Variants in PDE4D observed in about 807,000 individuals in gnomAD.
PDE4D encodes phosphodiesterase 4D, also known as 3',5'-cyclic-AMP phosphodiesterase 4D.
A neutral mutation model predicts 87.4 loss-of-function variants in PDE4D; 24 were observed. The observed-to-expected ratio is 0.27, with a 90% CI of 0.20 to 0.39. The LOEUF (loss-of-function observed/expected upper bound fraction) is 0.39, where lower values mean the gene tolerates loss of function less well. Among genes scored for constraint, PDE4D ranks in the 10% least tolerant of loss-of-function variants. PDE4D has a pLI of 1.00. For missense variants in PDE4D, 714 were observed against 1,041.0 expected (o/e 0.69, Z 4.32); for synonymous variants, 384 against 383.2 (o/e 1.00, Z -0.02).
At chr5:60,229,556 T>C (rs1745559030) in intron 1 of PDE4D, among the ~76,000 whole-genome samples, 1 of 152,120 alleles carries the variant, frequency 6.6e-6, no homozygotes, top group African/African-American at 2.4e-5. Context: ...ATAAGTATCA[T>C]CATCCTTAAT....
At chr5:58,989,981 ATGT>A in intron 9 of PDE4D, 62 bp from the exon 10 acceptor site, 1 of 931,932 alleles carries the variant, frequency 1.1e-6, no homozygotes. Flanking sequence ...TCCATAGAGT[ATGT>A]TTAAAAAAAA....
chr5:59,850,585 T>A (rs1474463424), intron 1 of PDE4D, among the ~76,000 whole-genome samples: 1 of 151,950 alleles, frequency 6.6e-6, no homozygotes, highest in Non-Finnish European at 1.5e-5. Flanking sequence ...TGGGGAAACA[T>A]TAAGAGGTCC....
intron 2 of PDE4D, among the ~76,000 whole-genome samples, chr5:60,120,166 G>T (rs187122433): frequency 1.3e-3 from 195 of 152,226 alleles, no homozygotes; most frequent in African/African-American, 4.5e-3. Context: ...GCTTTTTTTA[G>T]CTGTTCATCA....
At chr5:60,207,442 G>A (rs544878455) in intron 1 of PDE4D, among the ~76,000 whole-genome samples, 12 of 152,292 alleles carry the variant, frequency 7.9e-5, no homozygotes, top group Admixed American at 7.2e-4. Flanking sequence ...AACAGAGGAT[G>A]AATAACATGG....
At chr5:59,639,898 C>G (rs1741274354) in intron 1 of PDE4D, among the ~76,000 whole-genome samples, 1 of 146,922 alleles carries the variant, frequency 6.8e-6, no homozygotes. Flanking sequence ...TGGTTGTTGT[C>G]CAGTCACTGC....
chr5:59,754,750 T>G (rs2150743780), intron 1 of PDE4D, among the ~76,000 whole-genome samples: 1 of 147,714 alleles, frequency 6.8e-6, no homozygotes, highest in African/African-American at 2.5e-5. Context: ...TCTTTGGAAG[T>G]AAAACTTGGA....
intron 6 of PDE4D, among the ~76,000 whole-genome samples, chr5:59,009,908 A>C (rs983814544): frequency 6.6e-6 from 1 of 152,228 alleles, no homozygotes; most frequent in African/African-American, 2.4e-5. Context: ...GTTATGTATG[A>C]TAAAACACCA....
At chr5:59,566,633 C>T (rs1820979988) in intron 1 of PDE4D, among the ~76,000 whole-genome samples, 1 of 151,150 alleles carries the variant, frequency 6.6e-6, no homozygotes, top group Non-Finnish European at 1.5e-5. Context: ...GCATGTCTTC[C>T]CCAGTTAATC....
At chr5:59,536,597 TGAA>T (rs1250522184) in intron 1 of PDE4D, among the ~76,000 whole-genome samples, 2 of 151,444 alleles carry the variant, frequency 1.3e-5, no homozygotes, top group Non-Finnish European at 2.9e-5. Flanking sequence ...CAACTTTCAA[TGAA>T]GAAGTCTTAG....
chr5:59,587,022 C>G, intron 1 of PDE4D: 1 of 984,766 alleles, frequency 1.0e-6, no homozygotes, highest in Non-Finnish European at 1.2e-6. Flanking sequence ...ATTGCTGGTT[C>G]AACTGCAAAA....
intron 1 of PDE4D, among the ~76,000 whole-genome samples, chr5:59,685,181 C>G (rs298071): frequency 6.6e-6 from 1 of 152,080 alleles, no homozygotes; most frequent in Non-Finnish European, 1.5e-5. Flanking sequence ...TTTTCTAATA[C>G]GAACATAACT....
intron 6 of PDE4D, among the ~76,000 whole-genome samples, chr5:59,037,255 G>A (rs931200061): frequency 3.9e-5 from 6 of 152,048 alleles, no homozygotes; most frequent in African/African-American, 4.8e-5. Context: ...AACTACTGTC[G>A]AATCACCTTG....
In PDE4D at chr5:59,038,856, T is replaced by C. The variant is rs1320926322; in HGVS notation, c.921+3A>G. ...CACCAGTGACAGCAGAACCGGGGCT[T>C]ACCTTGTTGGAGGCCATCTCACTGA... On this transcript the variant is annotated splice_donor_region_variant and intron_variant, in intron 6 of 14. Transcript: ENST00000340635. 8 of 1,540,962 alleles carry C rather than the reference T, an allele frequency of 5.2e-6. No individual in the cohort carries two copies. The highest frequency in any genetic ancestry group is 7.0e-6 in the Non-Finnish European group (8 of 1,142,392).
intron 1 of PDE4D, among the ~76,000 whole-genome samples, chr5:59,716,854 A>G (rs1485777496): frequency 1.3e-5 from 2 of 152,194 alleles, no homozygotes; most frequent in Non-Finnish European, 2.9e-5. Flanking sequence ...TAATGAAGCC[A>G]TGTAACTCAA....
At chr5:60,450,119 C>T (rs1363508608) in intron 1 of PDE4D, among the ~76,000 whole-genome samples, 1 of 149,218 alleles carries the variant, frequency 6.7e-6, no homozygotes, top group Non-Finnish European at 1.5e-5. Context: ...AGTTCACATA[C>T]CATAATTTTA....
intron 2 of PDE4D, among the ~76,000 whole-genome samples, chr5:60,182,654 G>A (rs573524812): frequency 6.6e-5 from 10 of 151,976 alleles, no homozygotes; most frequent in Admixed American, 1.3e-4. Flanking sequence ...CGAGGCGGGC[G>A]GATCACGAGG....
intron 1 of PDE4D, among the ~76,000 whole-genome samples, chr5:59,325,218 C>T (rs1164020466): frequency 6.6e-6 from 1 of 152,132 alleles, no homozygotes; most frequent in Non-Finnish European, 1.5e-5. Flanking sequence ...ACTTCAAAAG[C>T]TCAGGAACTT....
chr5:59,771,501 A>AG (rs1763534311), intron 1 of PDE4D, among the ~76,000 whole-genome samples: 6 of 117,714 alleles, frequency 5.1e-5, no homozygotes, highest in Admixed American at 2.5e-4. Context: ...GAGAGAGAGA[A>AG]GAAAGAAAGA....
rs115325238 is a variant in PDE4D, at chr5:59,100,671, C to T, written c.809-61700G>A. On this transcript the variant is annotated intron_variant, in intron 5 of 14. Transcript: ENST00000340635. ...GCTGAATGAATGAATGTCAGTTTTC[C>T]TAAACAGACTTGAATGATTTTCTTG... Among the ~76,000 whole-genome samples, 807 of 152,236 alleles carry T rather than the reference C, an allele frequency of 5.3e-3. 8 individuals are homozygous for T. Among genetic ancestry groups the T allele is most frequent in the African/African-American group, 0.019 (773 of 41,536 alleles).
Sources: gnomAD v4.1 joint callset for allele counts (sites outside exome capture counted in the v4.1 genomes callset) on GRCh38, gnomAD v4.1.1 for gene constraint, MANE v1.5 for transcripts, NCBI Gene and HGNC (gene_info 2026-07-23, HGNC 2026-07-21) for gene names.